The following SCFD2 variants were observed in gnomAD, a reference collection of about 807,000 sequenced individuals.
SCFD2 encodes the protein sec1 family domain-containing protein 2.
A neutral mutation model predicts 58.9 loss-of-function variants in SCFD2; 54 were observed. The ratio of observed to expected loss-of-function variants is 0.92; its 90% CI spans 0.74 to 1.15. The LOEUF (loss-of-function observed/expected upper bound fraction) is 1.15, where lower values mean the gene tolerates loss of function less well. SCFD2 is among the 50% of genes most tolerant of loss of function. The pLI, the probability that SCFD2 is intolerant of heterozygous loss-of-function variation, is 0.00. For missense variants in SCFD2, 805 were observed against 836.6 expected (o/e 0.96, Z 0.47); for synonymous variants, 321 against 335.9 (o/e 0.96, Z 0.49).
At chr4:52,921,524 A>T (rs770926709) in intron 5 of SCFD2, among the ~76,000 whole-genome samples, 1 of 152,216 alleles carries the variant, frequency 6.6e-6, no homozygotes, top group Non-Finnish European at 1.5e-5. Context: ...GAAAAGATTA[A>T]AAATATGTCT....
At position 53,261,165 on chromosome 4, in the gene SCFD2, G is replaced by A. The variant is rs139741910; in HGVS notation, c.1311+12661C>T. On this transcript the variant is annotated intron_variant, in intron 4 of 8. Coordinates refer to ENST00000401642, the MANE Select transcript of SCFD2 (RefSeq NM_152540.4). ...ATTCTATCAATTTTATCTTTCCAAA[G>A]AACCAGCTTTTTGTTTCATTTATCT... 8.5e-3 allele frequency among the ~76,000 whole-genome samples: 1,299 copies of A among 152,038 alleles called. 12 individuals carry two copies. Among genetic ancestry groups the A allele is most frequent in the African/African-American group, 0.03 (1,236 of 41,494 alleles).
intron 7 of SCFD2, among the ~76,000 whole-genome samples, chr4:52,897,895 T>A (rs7684074): frequency 0.011 from 1,676 of 152,342 alleles, 32 homozygotes; most frequent in African/African-American, 0.039. Context: ...AGAGTGTATG[T>A]GTCGAGGAAT....
chr4:53,230,206 C>G (rs1729385634), intron 4 of SCFD2, among the ~76,000 whole-genome samples: 1 of 152,166 alleles, frequency 6.6e-6, no homozygotes. Context: ...TTGTGGAAGT[C>G]AGTGTGGCGA....
At chr4:52,979,909 T>C (rs1300483588) in intron 5 of SCFD2, among the ~76,000 whole-genome samples, 4 of 152,134 alleles carry the variant, frequency 2.6e-5, no homozygotes, top group African/African-American at 9.7e-5. Context: ...CCAATATCTG[T>C]CACCAGTTTC....
intron 3 of SCFD2, among the ~76,000 whole-genome samples, chr4:53,285,279 C>T (rs1270906042): frequency 3.3e-5 from 5 of 152,080 alleles, no homozygotes; most frequent in Admixed American, 6.5e-5. Context: ...GATAACATGG[C>T]ACATAATAGG....
At chr4:53,296,857 C>T (rs1412840779) in intron 3 of SCFD2, among the ~76,000 whole-genome samples, 2 of 152,174 alleles carry the variant, frequency 1.3e-5, no homozygotes, top group African/African-American at 4.8e-5. Context: ...TCACTGGTTT[C>T]AAAGAACATC....
rs1463356184 is a variant in SCFD2 at position 53,188,833 on chromosome 4, A to C, written c.1312-43251T>G. Among the ~76,000 whole-genome samples the C allele has an allele frequency of 2.6e-5, 4 of 152,148 alleles. No homozygotes were observed. The East Asian group carries it at 7.7e-4, about 29-fold the overall frequency. The stretch of plus-strand genomic sequence containing the variant: ...AAGTACATAACTGTTTAAATTGTCT[A>C]TCCAGTCTATCCCAAATGCAGTGCT... On this transcript the variant is annotated intron_variant, in intron 4 of 8. Transcript: ENST00000401642.
At chr4:53,061,819 TC>T (rs748630079) in intron 5 of SCFD2, among the ~76,000 whole-genome samples, 1 of 152,046 alleles carries the variant, frequency 6.6e-6, no homozygotes, top group Non-Finnish European at 1.5e-5. Flanking sequence ...ATTATGCAAA[TC>T]TGATTGCCTT....
In SCFD2 at chr4:53,254,248, G is replaced by T. The variant is rs1230287189; in HGVS notation, c.1311+19578C>A. Among the ~76,000 whole-genome samples the T allele has an allele frequency of 1.3e-5, 2 of 152,094 alleles. 1 individual carries two copies. The highest frequency in any genetic ancestry group is 1.3e-4 in the Admixed American group (2 of 15,264). On this transcript the variant is annotated intron_variant, in intron 4 of 8. Transcript: ENST00000401642. ...GTGTCAAAAGCAGGACCAGGTGGAG[G>T]TAATTGGATCATGGGGGTGGTTTCC...
chr4:53,190,916 A>C (rs1161506473), intron 4 of SCFD2, among the ~76,000 whole-genome samples: 1 of 152,056 alleles, frequency 6.6e-6, no homozygotes, highest in African/African-American at 2.4e-5. Flanking sequence ...ATCACTATAA[A>C]ATATTCCCTT....
intron 5 of SCFD2, among the ~76,000 whole-genome samples, chr4:53,062,302 G>A (rs1723537615): frequency 1.3e-5 from 2 of 151,836 alleles, no homozygotes; most frequent in Non-Finnish European, 2.9e-5. Flanking sequence ...AACCTGGGAG[G>A]CTCAGGTTGA....
chr4:53,291,276 T>C (rs1731831298), intron 3 of SCFD2, among the ~76,000 whole-genome samples: 1 of 151,954 alleles, frequency 6.6e-6, no homozygotes. Context: ...CCCTGGCATG[T>C]AAGGCTACCT....
intron 3 of SCFD2, among the ~76,000 whole-genome samples, chr4:53,312,548 TCA>T (rs1732722657): frequency 6.6e-6 from 1 of 152,242 alleles, no homozygotes; most frequent in Non-Finnish European, 1.5e-5. Flanking sequence ...ACTTTTCTTA[TCA>T]TCATTATGTT....
chr4:52,985,230 TGAAG>T (rs1721461588), intron 5 of SCFD2, among the ~76,000 whole-genome samples: 2 of 152,210 alleles, frequency 1.3e-5, no homozygotes, highest in Non-Finnish European at 2.9e-5. Flanking sequence ...CTCCCAGGTA[TGAAG>T]AGTGGGACAT....
chr4:52,946,227 T>C (rs1720422118), intron 5 of SCFD2, among the ~76,000 whole-genome samples: 1 of 152,094 alleles, frequency 6.6e-6, no homozygotes. Flanking sequence ...TTTTCCTTCT[T>C]GGTATAAAAT....
chr4:53,259,849 G>T (rs1164229006), intron 4 of SCFD2, among the ~76,000 whole-genome samples: 2 of 152,144 alleles, frequency 1.3e-5, no homozygotes, highest in African/African-American at 4.8e-5. Flanking sequence ...TCATCCATGA[G>T]CATGGGATGT....
At chr4:53,068,899 G>A (rs1311785732) in intron 5 of SCFD2, among the ~76,000 whole-genome samples, 6 of 152,036 alleles carry the variant, frequency 3.9e-5, no homozygotes, top group Non-Finnish European at 5.9e-5. Context: ...AGACGGATGT[G>A]CACAGTCCAA....
intron 4 of SCFD2, among the ~76,000 whole-genome samples, chr4:53,149,384 G>A (rs931883532): frequency 3.3e-5 from 5 of 152,172 alleles, no homozygotes; most frequent in African/African-American, 1.2e-4. Context: ...GGAACAACAT[G>A]AAACCCAAAA....
chr4:53,317,087 A>G (rs1732888300), intron 2 of SCFD2, among the ~76,000 whole-genome samples: 1 of 151,304 alleles, frequency 6.6e-6, no homozygotes, highest in Admixed American at 6.6e-5. Flanking sequence ...AGCCTAGGCA[A>G]CAGAACGAGA....
Sources: allele counts gnomAD v4.1 joint callset (sites outside exome capture counted in the v4.1 genomes callset), GRCh38; gene constraint gnomAD v4.1.1; transcripts MANE v1.5; gene names NCBI Gene and HGNC (gene_info 2026-07-23, HGNC 2026-07-21).